CDYL2: variants seen among roughly 807,000 people sequenced by gnomAD.
CDYL2 encodes the protein chromodomain Y-like protein 2.
In CDYL2, 23 loss-of-function variants were observed where a neutral mutation model predicts 49.4. The observed-to-expected ratio is 0.47, with a 90% CI of 0.34 to 0.66. CDYL2 has a LOEUF of 0.66. Among genes scored for constraint, CDYL2 ranks in the 30% least tolerant of loss-of-function variants. The probability of loss-of-function intolerance (pLI) is 0.01; values close to 1 mark genes in which losing one functional copy is unlikely to be tolerated. For synonymous variants in CDYL2, 360 were observed against 268.8 expected (o/e 1.34, Z -3.32); for missense variants, 678 against 656.4 (o/e 1.03, Z -0.36).
At chr16:80,796,653 T>A (rs1236385086) in intron 1 of CDYL2, among the ~76,000 whole-genome samples, 2 of 152,348 alleles carry the variant, frequency 1.3e-5, no homozygotes, top group Admixed American at 6.5e-5. Context: ...TCTTTTGTTA[T>A]CCAAGTCATC....
intron 1 of CDYL2, among the ~76,000 whole-genome samples, chr16:80,700,929 C>T (rs546004578): frequency 1.0e-3 from 158 of 152,318 alleles, no homozygotes; most frequent in South Asian, 3.5e-3. Flanking sequence ...TGAGTTGTAA[C>T]GCCGTGCAGC....
chr16:80,608,381 G>T, intron 5 of CDYL2, 146 bp from the exon 6 acceptor site: 3 of 889,794 alleles, frequency 3.4e-6, no homozygotes, highest in Non-Finnish European at 4.9e-6. Flanking sequence ...GGTCAGATAA[G>T]CTTTGGGAAT....
chr16:80,674,743 C>A (rs1466828779), intron 2 of CDYL2, among the ~76,000 whole-genome samples: 1 of 152,238 alleles, frequency 6.6e-6, no homozygotes, highest in Non-Finnish European at 1.5e-5. Flanking sequence ...CACGTTGCCG[C>A]ATATGTCCAC....
intron 1 of CDYL2, among the ~76,000 whole-genome samples, chr16:80,729,300 C>T (rs1224743509): frequency 6.6e-6 from 1 of 151,538 alleles, no homozygotes; most frequent in Admixed American, 6.6e-5. Context: ...GGGTTGCAAT[C>T]CTAGTCTCTG....
At chr16:80,677,777 A>G (rs1284127231) in intron 2 of CDYL2, among the ~76,000 whole-genome samples, 1 of 151,688 alleles carries the variant, frequency 6.6e-6, no homozygotes, top group Non-Finnish European at 1.5e-5. Flanking sequence ...ATAAATAAAT[A>G]ACCAAAAAAG....
At chr16:80,698,555 T>C (rs1904286027) in intron 1 of CDYL2, among the ~76,000 whole-genome samples, 3 of 152,110 alleles carry the variant, frequency 2.0e-5, no homozygotes, top group African/African-American at 7.2e-5. Context: ...TAATCCCCAG[T>C]GTTAGAGGTG....
intron 2 of CDYL2, among the ~76,000 whole-genome samples, chr16:80,641,453 T>G (rs963714043): frequency 6.6e-6 from 1 of 151,942 alleles, no homozygotes; most frequent in African/African-American, 2.4e-5. Context: ...AGCTGAGAAA[T>G]TTTATCAACA....
At chr16:80,775,047 T>C (rs13330687) in intron 1 of CDYL2, among the ~76,000 whole-genome samples, 10,914 of 150,950 alleles carry the variant, frequency 0.072, 471 homozygotes, top group African/African-American at 0.11. Context: ...AACTATATTA[T>C]ATCTTCATTT....
At chr16:80,717,137 G>T (rs1775797708) in intron 1 of CDYL2, among the ~76,000 whole-genome samples, 1 of 149,654 alleles carries the variant, frequency 6.7e-6, no homozygotes, top group African/African-American at 2.5e-5. Context: ...TGGATGGGTG[G>T]ACTGGATCGA....
At chr16:80,628,739 C>G (rs1220187319) in intron 3 of CDYL2, among the ~76,000 whole-genome samples, 1 of 152,238 alleles carries the variant, frequency 6.6e-6, no homozygotes, top group Non-Finnish European at 1.5e-5. Flanking sequence ...ATATCCCTTG[C>G]AGCACCTAGT....
intron 1 of CDYL2, among the ~76,000 whole-genome samples, chr16:80,751,794 G>A (rs1906145629): frequency 6.6e-6 from 1 of 152,180 alleles, no homozygotes; most frequent in Non-Finnish European, 1.5e-5. Flanking sequence ...AGGAAGAGAG[G>A]GATAATCAGA....
chr16:80,751,807 T>C (rs1906146512), intron 1 of CDYL2, among the ~76,000 whole-genome samples: 1 of 152,184 alleles, frequency 6.6e-6, no homozygotes, highest in Non-Finnish European at 1.5e-5. Context: ...TAATCAGAGA[T>C]AGCTGAACCT....
intron 1 of CDYL2, among the ~76,000 whole-genome samples, chr16:80,739,581 C>A (rs1052490213): frequency 6.6e-6 from 1 of 152,124 alleles, no homozygotes; most frequent in Non-Finnish European, 1.5e-5. Context: ...CACCAGCAGT[C>A]CCAGGATAGC....
intron 2 of CDYL2, among the ~76,000 whole-genome samples, chr16:80,669,899 G>A (rs564695967): frequency 5.3e-4 from 80 of 152,276 alleles, no homozygotes; most frequent in African/African-American, 1.8e-3. Context: ...GAGCGGCCAC[G>A]ACCCTGCCCA....
intron 1 of CDYL2, among the ~76,000 whole-genome samples, chr16:80,799,502 T>C (rs1351081479): frequency 6.6e-6 from 1 of 152,180 alleles, no homozygotes; most frequent in Non-Finnish European, 1.5e-5. Flanking sequence ...GTGCTATGAA[T>C]TCAACCACAC....
intron 1 of CDYL2, among the ~76,000 whole-genome samples, chr16:80,795,219 T>C (rs1318897145): frequency 6.6e-6 from 1 of 152,176 alleles, no homozygotes; most frequent in African/African-American, 2.4e-5. Context: ...TGGCAATGTG[T>C]AGCCCAGGGT....
At chr16:80,802,156 G>C (rs1907945620) in intron 1 of CDYL2, among the ~76,000 whole-genome samples, 1 of 152,198 alleles carries the variant, frequency 6.6e-6, no homozygotes, top group Non-Finnish European at 1.5e-5. Flanking sequence ...AAGGAGGGCA[G>C]TTGCAGATGA....
At chr16:80,721,983 C>G (rs576663868) in intron 1 of CDYL2, among the ~76,000 whole-genome samples, 1 of 152,190 alleles carries the variant, frequency 6.6e-6, no homozygotes, top group Non-Finnish European at 1.5e-5. Context: ...TTACAAAATT[C>G]TCAGGAGACC....
chr16:80,685,657 G>C (rs1597173371), intron 1 of CDYL2, among the ~76,000 whole-genome samples: 1 of 152,070 alleles, frequency 6.6e-6, no homozygotes, highest in African/African-American at 2.4e-5. Context: ...ACTAAATGCT[G>C]GGCATAGACT....
Sources: allele counts gnomAD v4.1 joint callset (sites outside exome capture counted in the v4.1 genomes callset), GRCh38; gene constraint gnomAD v4.1.1; transcripts MANE v1.5; gene names NCBI Gene and HGNC (gene_info 2026-07-23, HGNC 2026-07-21).